Variants in NEBL observed in about 807,000 individuals in gnomAD.
NEBL encodes the protein nebulette.
A neutral mutation model predicts 140.2 loss-of-function variants in NEBL; 122 were observed. That is an observed-to-expected ratio of 0.87 (90% CI 0.75 to 1.01). The LOEUF (loss-of-function observed/expected upper bound fraction) is 1.01, where lower values mean the gene tolerates loss of function less well. Among genes scored for constraint, NEBL ranks in the 50% least tolerant of loss-of-function variants. NEBL has a pLI of 0.00. For missense variants in NEBL, 1,365 were observed against 1,231.3 expected (o/e 1.11, Z -1.62); for synonymous variants, 436 against 398.9 (o/e 1.09, Z -1.11).
At chr10:20,854,918 TG>T (rs1842902995) in intron 9 of NEBL, among the ~76,000 whole-genome samples, 1 of 152,088 alleles carries the variant, frequency 6.6e-6, no homozygotes, top group Non-Finnish European at 1.5e-5. Flanking sequence ...GCTCCTCTAA[TG>T]TTTTTTTAAA....
intron 2 of NEBL, among the ~76,000 whole-genome samples, chr10:21,165,434 T>A (rs949725388): frequency 7.2e-5 from 11 of 152,180 alleles, no homozygotes; most frequent in African/African-American, 2.7e-4. Flanking sequence ...CAAAGCCTCA[T>A]CCTAATCCAG....
chr10:20,803,389 T>A (rs1260112069), intron 26 of NEBL, among the ~76,000 whole-genome samples: 1 of 152,184 alleles, frequency 6.6e-6, no homozygotes, highest in East Asian at 1.9e-4. Flanking sequence ...AATTATTATT[T>A]ATCCACTGAA....
intron 2 of NEBL, among the ~76,000 whole-genome samples, chr10:21,039,365 C>T (rs147396244): frequency 8.9e-4 from 135 of 152,158 alleles, no homozygotes; most frequent in Non-Finnish European, 1.4e-3. Context: ...TTGGGTTTTA[C>T]GTTTAAGTCT....
chr10:21,125,835 C>T lies in NEBL; in HGVS notation c.164+46548G>A, dbSNP rs41307495. ...GTCCTTCAGACATTTACAAAAAAGTCATTTTCAGCACCTTCTTAGATACGT... is the reference window on the plus strand; with the variant it reads ...GTCCTTCAGACATTTACAAAAAAGTTATTTTCAGCACCTTCTTAGATACGT... On this transcript the variant is annotated intron_variant, in intron 2 of 6. Transcript: ENST00000417816. The T allele has an allele frequency of 1.3e-3, 2,081 of 1,609,756 alleles. 3 individuals are homozygous for T. The highest frequency in any genetic ancestry group is 2.6e-3 in the Middle Eastern group (16 of 6,042).
chr10:21,151,634 A>G (rs1840140533), intron 2 of NEBL, among the ~76,000 whole-genome samples: 1 of 152,120 alleles, frequency 6.6e-6, no homozygotes, highest in Non-Finnish European at 1.5e-5. Context: ...CAGGCCTTGT[A>G]GGGTCCCCAC....
intron 3 of NEBL, among the ~76,000 whole-genome samples, chr10:20,982,508 A>T (rs1264899132): frequency 1.3e-5 from 2 of 152,232 alleles, no homozygotes; most frequent in Non-Finnish European, 2.9e-5. Flanking sequence ...CAGAGGAGAG[A>T]ATAATTCCAC....
In NEBL at chr10:20,845,241, A is replaced by T; in HGVS notation, c.1227+17T>A. 11 of 1,434,584 alleles carry T rather than the reference A, an allele frequency of 7.7e-6. No individual in the cohort carries two copies. Among genetic ancestry groups the T allele is most frequent in the Non-Finnish European group, 1.1e-5 (11 of 1,018,244 alleles). The allele number at this position is 1,434,584 out of a possible 1,614,324, so 88.9% of individuals were successfully genotyped here. A position where few individuals can be genotyped will look rare whatever the true frequency, so the allele number is the denominator to read the frequency against. On this transcript the variant is annotated intron_variant, in intron 12 of 27. Transcript: ENST00000377122. ...ACTTTTCTTCATAATATTTAATAAT[A>T]AACACCAAGATCGTACCTCCCTCAG...
At chr10:20,985,087 T>A (rs1451890731) in intron 3 of NEBL, among the ~76,000 whole-genome samples, 2 of 152,222 alleles carry the variant, frequency 1.3e-5, no homozygotes, top group Non-Finnish European at 2.9e-5. Context: ...CTGAGTTGTA[T>A]AATTATTTAA....
At chr10:21,250,129 T>G (rs1842568545) in intron 2 of NEBL, among the ~76,000 whole-genome samples, 1 of 152,144 alleles carries the variant, frequency 6.6e-6, no homozygotes, top group African/African-American at 2.4e-5. Flanking sequence ...TCAACTTGAT[T>G]GGATTGAAGG....
intron 22 of NEBL, among the ~76,000 whole-genome samples, chr10:20,814,434 C>A (rs1198128910): frequency 6.7e-6 from 1 of 150,126 alleles, no homozygotes; most frequent in Non-Finnish European, 1.5e-5. Context: ...CCCATCTCTA[C>A]AGGTAAAAAT....
At chr10:21,146,585 T>C in intron 2 of NEBL, 1 of 1,099,150 alleles carries the variant, frequency 9.1e-7, no homozygotes, top group Non-Finnish European at 1.3e-6. Flanking sequence ...TTCATCTTAA[T>C]TACAGAAGCT....
At chr10:21,249,719 G>C (rs1842562707) in intron 2 of NEBL, among the ~76,000 whole-genome samples, 1 of 150,976 alleles carries the variant, frequency 6.6e-6, no homozygotes, top group African/African-American at 2.4e-5. Context: ...CTCTTTAAGT[G>C]GGGAAAATAA....
At chr10:20,793,402 G>A in intron 26 of NEBL, 2 of 952,944 alleles carry the variant, frequency 2.1e-6, no homozygotes, top group Non-Finnish European at 2.5e-6. Flanking sequence ...AGGAGATTAA[G>A]GACTGAGGAC....
At chr10:21,030,331 T>G (rs1833727790) in intron 2 of NEBL, 5 of 639,064 alleles carry the variant, frequency 7.8e-6, no homozygotes, top group Non-Finnish European at 2.8e-6. Flanking sequence ...CATCGCACAC[T>G]GGGACCTCCG....
intron 5 of NEBL, among the ~76,000 whole-genome samples, chr10:20,874,826 A>AC (rs1380049509): frequency 1.3e-5 from 2 of 151,768 alleles, no homozygotes; most frequent in African/African-American, 4.8e-5. Flanking sequence ...TGTAACCTCC[A>AC]CCTCCTGGGT....
intron 2 of NEBL, among the ~76,000 whole-genome samples, chr10:21,143,191 G>A (rs1444750233): frequency 6.6e-6 from 1 of 152,124 alleles, no homozygotes; most frequent in Non-Finnish European, 1.5e-5. Flanking sequence ...GCTCACACCT[G>A]TAATCCCAGC....
rs140221408 is a variant in NEBL, at chr10:20,919,916, T to C, written c.357+41756A>G. Among the ~76,000 whole-genome samples the C allele has an allele frequency of 3.0e-4, 46 of 151,982 alleles. No homozygotes were observed. The East Asian group carries it at 6.2e-3, about 20-fold the overall frequency. ...GCAAAAGCAAGGTAGCAGGGGGAAA[T>C]TGCATCATGAAGGGCTAAGAGTCCT... On this transcript the variant is annotated intron_variant, in intron 4 of 6. Coordinates refer to the NEBL transcript ENST00000417816.
chr10:20,817,536 C>A, intron 21 of NEBL, 64 bp downstream of exon 21: 1 of 1,239,368 alleles, frequency 8.1e-7, no homozygotes, highest in Non-Finnish European at 1.2e-6. Flanking sequence ...AAATACAATC[C>A]CTTCATTCAC....
chr10:20,938,726 T>C (rs1369064924), intron 4 of NEBL, among the ~76,000 whole-genome samples: 2 of 151,654 alleles, frequency 1.3e-5, no homozygotes, highest in Non-Finnish European at 2.9e-5. Flanking sequence ...GAATAACCAA[T>C]GCAAAGAAGT....
Sources: gnomAD v4.1 joint callset for allele counts (sites outside exome capture counted in the v4.1 genomes callset) on GRCh38, gnomAD v4.1.1 for gene constraint, MANE v1.5 for transcripts, NCBI Gene and HGNC (gene_info 2026-07-23, HGNC 2026-07-21) for gene names.